The following SPACA7 variants were observed in gnomAD, a reference collection of about 807,000 sequenced individuals.
The protein encoded by SPACA7 is sperm acrosome associated 7.
Under a neutral mutation model 26.3 loss-of-function variants are expected in SPACA7, and 19 were observed. The observed-to-expected ratio is 0.72, with a 90% CI of 0.50 to 1.06. The LOEUF (loss-of-function observed/expected upper bound fraction) is 1.06. Ranked by LOEUF, SPACA7 falls within the 50% of genes least tolerant of loss-of-function variation. The pLI is 0.00. For synonymous variants in SPACA7, 84 were observed against 84.5 expected (o/e 0.99, Z 0.04); for missense variants, 211 against 229.9 (o/e 0.92, Z 0.53).
intron 5 of SPACA7, among the ~76,000 whole-genome samples, chr13:112,419,630 C>T (rs1383326160): frequency 1.3e-5 from 2 of 152,202 alleles, no homozygotes; most frequent in Non-Finnish European, 2.9e-5. Context: ...CAGGATCCTT[C>T]ACCATTACTA....
chr13:112,380,100 T>C (rs1330555), intron 1 of SPACA7, among the ~76,000 whole-genome samples: 40,036 of 152,072 alleles, frequency 0.26, 6,041 homozygotes, highest in Non-Finnish European at 0.35. Flanking sequence ...AAGAAACAAG[T>C]ACCTCTTACA....
intron 3 of SPACA7, among the ~76,000 whole-genome samples, chr13:112,398,667 C>A (rs1885442303): frequency 6.6e-6 from 1 of 152,152 alleles, no homozygotes; most frequent in Admixed American, 6.5e-5. Flanking sequence ...AAGACATATG[C>A]AAGGAAATAG....
intron 1 of SPACA7, among the ~76,000 whole-genome samples, chr13:112,383,140 AG>A (rs1482571983): frequency 2.5e-3 from 130 of 52,586 alleles, no homozygotes; most frequent in African/African-American, 0.011. Context: ...AAAGAAAGAA[AG>A]AAAGAAAGAA....
chr13:112,423,713 T>C (rs1481617669), intron 5 of SPACA7, among the ~76,000 whole-genome samples: 1 of 152,206 alleles, frequency 6.6e-6, no homozygotes, highest in African/African-American at 2.4e-5. Flanking sequence ...GGAATCACAG[T>C]ATGTTCTAAA....
chr13:112,411,900 GC>G (rs1886376196), intron 5 of SPACA7, among the ~76,000 whole-genome samples: 1 of 152,072 alleles, frequency 6.6e-6, no homozygotes, highest in African/African-American at 2.4e-5. Flanking sequence ...AACTGCAATG[GC>G]CATGGGAGTG....
At chr13:112,422,904 AATC>A (rs1404363530) in intron 5 of SPACA7, among the ~76,000 whole-genome samples, 1 of 152,208 alleles carries the variant, frequency 6.6e-6, no homozygotes, top group Non-Finnish European at 1.5e-5. Context: ...GAATTTTCTG[AATC>A]ATCAGAATTG....
chr13:112,382,315 C>A (rs1436991011), intron 1 of SPACA7: 7 of 996,002 alleles, frequency 7.0e-6, no homozygotes, highest in Non-Finnish European at 1.0e-5. Flanking sequence ...GCAGAGGCGC[C>A]TCTCGATTTC....
chr13:112,418,313 T>C (rs1348071551), intron 5 of SPACA7, among the ~76,000 whole-genome samples: 2 of 152,136 alleles, frequency 1.3e-5, no homozygotes, highest in South Asian at 2.1e-4. Flanking sequence ...TTATGAAACA[T>C]AGAAATTTGG....
At position 112,399,192 on chromosome 13, in the gene SPACA7, T is replaced by C; in HGVS notation, c.349+19T>C. On this transcript the variant is annotated intron_variant, in intron 4 of 6. Transcript: ENST00000283550. ...AATGATGGTAAATGCAACCCAGTAA[T>C]TACCCCTTCCCAAGTCCAGCTGTAA... is the stretch of plus-strand genomic sequence containing the variant. 3.8e-6 allele frequency: 5 copies of C among 1,313,284 alleles called. No individual in the cohort carries two copies. The highest frequency in any genetic ancestry group is 5.5e-6 in the Non-Finnish European group (5 of 905,762). 81.4% of individuals were successfully genotyped at this position (1,313,284 alleles called of 1,614,324 possible). A position where few individuals can be genotyped will look rare whatever the true frequency, so the allele number is the denominator to read the frequency against.
At chr13:112,413,984 T>C (rs1886516409) in intron 5 of SPACA7, among the ~76,000 whole-genome samples, 1 of 152,106 alleles carries the variant, frequency 6.6e-6, no homozygotes, top group Non-Finnish European at 1.5e-5. Flanking sequence ...GTGTGTTGTG[T>C]GATCAGAGAG....
intron 2 of SPACA7, among the ~76,000 whole-genome samples, chr13:112,394,039 G>A (rs1040400624): frequency 4.6e-5 from 7 of 151,206 alleles, no homozygotes; most frequent in East Asian, 2.0e-4. Context: ...TTTATTTCAC[G>A]TGATGATTTC....
At position 112,429,300 on chromosome 13, in the gene SPACA7, C is replaced by T. The variant is rs139016303; in HGVS notation, c.446-3144C>T. Among the ~76,000 whole-genome samples, 170 of 151,386 alleles carry T rather than the reference C, an allele frequency of 1.1e-3. 2 individuals are homozygous for T. In the Middle Eastern group the frequency reaches 0.021, roughly 18 times the overall value. ...CTGAGGCAGGAGGATGGCTTTAGCC[C>T]AGGAGGTCATGACTGCAGTGAGCCA... On this transcript the variant is annotated intron_variant, in intron 5 of 6. Coordinates refer to ENST00000283550, the MANE Select transcript of SPACA7 (RefSeq NM_145248.5).
chr13:112,395,364 G>A (rs1432784126), intron 2 of SPACA7, among the ~76,000 whole-genome samples: 7 of 152,250 alleles, frequency 4.6e-5, no homozygotes, highest in African/African-American at 7.2e-5. Context: ...GTTGCGCTTC[G>A]GCTGCCTGAG....
intron 5 of SPACA7, among the ~76,000 whole-genome samples, chr13:112,417,200 T>G (rs1176841746): frequency 1.3e-5 from 2 of 152,186 alleles, no homozygotes; most frequent in African/African-American, 2.4e-5. Flanking sequence ...TAATTATAAC[T>G]TCAAATATTC....
At chr13:112,381,907 A>G (rs187304205) in intron 1 of SPACA7, among the ~76,000 whole-genome samples, 191 of 152,328 alleles carry the variant, frequency 1.3e-3, no homozygotes, top group African/African-American at 4.3e-3. Flanking sequence ...TGATCTTAGG[A>G]GCAGTTTAGA....
At chr13:112,392,696 G>A (rs1044860596) in intron 1 of SPACA7, among the ~76,000 whole-genome samples, 3 of 152,180 alleles carry the variant, frequency 2.0e-5, no homozygotes, top group Admixed American at 1.3e-4. Context: ...TCATCCTTGC[G>A]ACCGGGATGT....
At chr13:112,390,308 C>T (rs115055898) in intron 1 of SPACA7, among the ~76,000 whole-genome samples, 3,305 of 152,158 alleles carry the variant, frequency 0.022, 128 homozygotes, top group African/African-American at 0.074. Context: ...TGCAAAGTCA[C>T]GGCAAAAAGG....
chr13:112,419,756 T>C (rs1037284514), intron 5 of SPACA7, among the ~76,000 whole-genome samples: 3 of 152,092 alleles, frequency 2.0e-5, no homozygotes, highest in Non-Finnish European at 2.9e-5. Context: ...ACAACACAGA[T>C]TGCCTGAGAG....
intron 5 of SPACA7, among the ~76,000 whole-genome samples, chr13:112,430,174 C>G (rs7994758): frequency 0.44 from 58,832 of 133,450 alleles, 12,568 homozygotes; most frequent in African/African-American, 0.51. Flanking sequence ...ATCTCTCTCT[C>G]TGTGTGTGTG....
Sources: gnomAD v4.1 joint callset for allele counts (sites outside exome capture counted in the v4.1 genomes callset) on GRCh38, gnomAD v4.1.1 for gene constraint, MANE v1.5 for transcripts, NCBI Gene and HGNC (gene_info 2026-07-23, HGNC 2026-07-21) for gene names.